CCDC198: variants seen among roughly 807,000 people sequenced by gnomAD.
CCDC198 encodes the protein coiled-coil domain containing 198.
CCDC198 carries 18 observed loss-of-function variants against 35.6 expected under a neutral mutation model. The observed-to-expected ratio is 0.51, with a 90% CI of 0.35 to 0.75. The LOEUF (loss-of-function observed/expected upper bound fraction) is 0.75. Among genes scored for constraint, CCDC198 ranks in the 30% least tolerant of loss-of-function variants. CCDC198 has a pLI of 0.01. For missense variants in CCDC198, 365 were observed against 343.7 expected (o/e 1.06, Z -0.49); for synonymous variants, 119 against 113.4 (o/e 1.05, Z -0.31).
chr14:57,493,855 T>C lies in CCDC198; in HGVS notation c.-140A>G, dbSNP rs988150219. The stretch of plus-strand genomic sequence containing the variant: ...ATTTCCTTCATGGCATCCTTCTAGC[T>C]CTGTTTCACTGCACACTAACCCTTT... On this transcript the variant is annotated 5_prime_UTR_variant, in exon 1 of 6. Coordinates refer to ENST00000216445, the MANE Select transcript of CCDC198 (RefSeq NM_018168.4). The C allele has an allele frequency of 3.0e-6, 2 of 671,346 alleles. No individual in the cohort carries two copies. Among genetic ancestry groups the C allele is most frequent in the Non-Finnish European group, 2.5e-6 (1 of 400,318 alleles). The allele number at this position is 671,346 out of a possible 1,614,324, so 41.6% of individuals were successfully genotyped here. A position where few individuals can be genotyped will look rare whatever the true frequency, so the allele number is the denominator to read the frequency against.
chr14:57,491,252 A>T (rs916711653), intron 1 of CCDC198, among the ~76,000 whole-genome samples, 181 bp from the exon 2 acceptor site: 12 of 152,094 alleles, frequency 7.9e-5, no homozygotes, highest in Non-Finnish European at 1.5e-4. Context: ...ATTAGTGCAC[A>T]TGACACTATT....
chr14:57,481,587 A>G lies in CCDC198; in HGVS notation c.467T>C (p.Val156Ala). ...ENRQYLHKMQ[V>A]LEMIRKRQEA... is the part of the protein sequence containing the mutation. ...TTGTCTTTTACGGATCATTTCCAGC[A>G]CTTGCATCTTATGCAAATATTGTCT... The change falls in exon 4 of 6, where the codon GTG becomes GCG. Residue 156 changes from valine (V) to alanine (A), a missense_variant. Transcript: ENST00000216445. The G allele has an allele frequency of 1.2e-6, 2 of 1,612,574 alleles. No individual in the cohort carries two copies. The highest frequency in any genetic ancestry group is 4.5e-5 in the East Asian group (2 of 44,804).
At chr14:57,472,103 G>A (rs1227369903) in intron 5 of CCDC198, among the ~76,000 whole-genome samples, 1 of 151,988 alleles carries the variant, frequency 6.6e-6, no homozygotes, top group Non-Finnish European at 1.5e-5. Flanking sequence ...AATATCCATG[G>A]TTGTCACAAT....
intron 5 of CCDC198, among the ~76,000 whole-genome samples, chr14:57,473,546 T>G (rs559801993): frequency 6.6e-6 from 1 of 152,168 alleles, no homozygotes; most frequent in African/African-American, 2.4e-5. Context: ...ATCATTCTGT[T>G]TCCTAAAGAT....
At chr14:57,471,727 ATAATAT>A in intron 5 of CCDC198, 137 bp from the exon 6 acceptor site, 1 of 65,666 alleles carries the variant, frequency 1.5e-5, no homozygotes, top group Non-Finnish European at 3.0e-5. Context: ...ATATATATAT[ATAATAT>A]ATATATATAT....
At chr14:57,490,668 A>C (rs1186337017) in intron 2 of CCDC198, among the ~76,000 whole-genome samples, 1 of 152,178 alleles carries the variant, frequency 6.6e-6, no homozygotes, top group Non-Finnish European at 1.5e-5. Context: ...GTAATTAAAT[A>C]GTAGTAGCTG....
chr14:57,477,486 T>TTA (rs2067040492), intron 5 of CCDC198, among the ~76,000 whole-genome samples: 1 of 150,976 alleles, frequency 6.6e-6, no homozygotes, highest in Non-Finnish European at 1.5e-5. Flanking sequence ...CACGTGTATC[T>TTA]CACACACACA....
intron 5 of CCDC198, among the ~76,000 whole-genome samples, chr14:57,473,350 G>T (rs1045237908): frequency 6.6e-6 from 1 of 152,108 alleles, no homozygotes; most frequent in African/African-American, 2.4e-5. Context: ...TATCTACTTG[G>T]CAATAATGCA....
At chr14:57,475,345 T>G in intron 5 of CCDC198, 1 of 974,622 alleles carries the variant, frequency 1.0e-6, no homozygotes. Context: ...ATAGAAAGAG[T>G]GCAGGTGGCC....
intron 2 of CCDC198, among the ~76,000 whole-genome samples, chr14:57,484,454 C>A (rs1475057106): frequency 6.6e-6 from 1 of 152,150 alleles, no homozygotes; most frequent in Non-Finnish European, 1.5e-5. Flanking sequence ...ACAGGCCTCA[C>A]AGGGAACCAA....
intron 2 of CCDC198, among the ~76,000 whole-genome samples, chr14:57,488,262 T>C (rs1406993941): frequency 2.0e-5 from 3 of 152,182 alleles, no homozygotes; most frequent in African/African-American, 7.2e-5. Context: ...TTGCAAGGTA[T>C]AATTCTTCCC....
chr14:57,490,856 C>G, intron 2 of CCDC198, 133 bp downstream of exon 2: 1 of 878,870 alleles, frequency 1.1e-6, no homozygotes, highest in South Asian at 1.8e-5. Flanking sequence ...CGATTGATGA[C>G]ATTTTTCTTT....
At chr14:57,486,506 C>G (rs1007765789) in intron 2 of CCDC198, among the ~76,000 whole-genome samples, 1 of 151,800 alleles carries the variant, frequency 6.6e-6, no homozygotes, top group Non-Finnish European at 1.5e-5. Flanking sequence ...GGCCCCTTCA[C>G]TAGAGATTGA....
chr14:57,478,751 T>A (rs1346387961), intron 5 of CCDC198: 1 of 1,068,828 alleles, frequency 9.4e-7, no homozygotes, highest in African/African-American at 1.6e-5. Context: ...GACTTGGAAG[T>A]ATAGGTTAAA....
At chr14:57,477,808 T>C (rs1341764143) in intron 5 of CCDC198, among the ~76,000 whole-genome samples, 1 of 152,056 alleles carries the variant, frequency 6.6e-6, no homozygotes, top group African/African-American at 2.4e-5. Context: ...AGCGATTCTC[T>C]TGCCTCAGCC....
Position 57,472,547 on chromosome 14 carries a change from A to C in CCDC198, c.656-957T>G, listed in dbSNP as rs187456030. ...TAGACACATAATATATACTTCTGAC[A>C]TTCACATCAACTCTGGCTTCATAGC... On this transcript the variant is annotated intron_variant, in intron 5 of 5. Coordinates refer to ENST00000216445, the MANE Select transcript of CCDC198 (RefSeq NM_018168.4). 2.6e-5 allele frequency among the ~76,000 whole-genome samples: 4 copies of C among 152,312 alleles called. 1 individual carries two copies. The highest frequency in any genetic ancestry group is 9.6e-5 in the African/African-American group (4 of 41,576).
intron 4 of CCDC198, 52 bp downstream of exon 4, chr14:57,481,507 C>T (rs557716092): frequency 1.1e-5 from 13 of 1,199,382 alleles, no homozygotes; most frequent in Non-Finnish European, 1.6e-5. Flanking sequence ...TGTGGCAGGG[C>T]AGTGATTATG....
rs955006075 is a variant in CCDC198 at position 57,479,143 on chromosome 14, A to C, written c.655+1452T>G. ...CATAGAGCGATCTGAGAGCATAAAC[A>C]ATTTGGCCTGGCTGAAATGTGGGGG... On this transcript the variant is annotated intron_variant, in intron 5 of 5. Coordinates refer to ENST00000216445, the MANE Select transcript of CCDC198 (RefSeq NM_018168.4). The C allele has an allele frequency of 2.4e-5, 19 of 779,680 alleles. No individual in the cohort carries two copies. The African/African-American group carries it at 3.0e-4, about 12-fold the overall frequency. The allele number at this position is 779,680 out of a possible 1,614,324, so 48.3% of individuals were successfully genotyped here. A position where few individuals can be genotyped will look rare whatever the true frequency, so the allele number is the denominator to read the frequency against.
rs2066799637 is a variant in CCDC198, at chr14:57,470,796, A to G, written c.*559T>C. 6.6e-6 allele frequency: 1 copy of G among 152,642 alleles called. No homozygotes were observed. Among genetic ancestry groups the G allele is most frequent in the South Asian group, 2.1e-4 (1 of 4,856 alleles). The allele number at this position is 152,642 out of a possible 1,614,324, so 9.5% of individuals were successfully genotyped here. Reference sequence around the variant, plus strand: ...CTGGTCTATGACTTTAACCAACAGAACATGGTGGAAGTGATGCAAAGTCAG... The same window carrying G: ...CTGGTCTATGACTTTAACCAACAGAGCATGGTGGAAGTGATGCAAAGTCAG... On this transcript the variant is annotated 3_prime_UTR_variant, in exon 6 of 6. Transcript: ENST00000216445.
Sources: allele counts gnomAD v4.1 joint callset (sites outside exome capture counted in the v4.1 genomes callset), GRCh38; gene constraint gnomAD v4.1.1; transcripts MANE v1.5; gene names NCBI Gene and HGNC (gene_info 2026-07-23, HGNC 2026-07-21).